The following FAM83B variants were observed in gnomAD, a reference collection of about 807,000 sequenced individuals.
FAM83B encodes scaffolding CK1 anchoring protein B.
In FAM83B, 26 loss-of-function variants were observed where a neutral mutation model predicts 38.8. That is an observed-to-expected ratio of 0.67 (90% CI 0.49 to 0.93). The LOEUF (loss-of-function observed/expected upper bound fraction) is 0.93, where lower values mean the gene tolerates loss of function less well. Among genes scored for constraint, FAM83B ranks in the 40% least tolerant of loss-of-function variants. FAM83B has a pLI of 0.00. For synonymous variants in FAM83B, 419 were observed against 423.1 expected, an observed-to-expected ratio of 0.99 and a Z score of 0.12; for missense variants, 1,237 against 1,197.3, an observed-to-expected ratio of 1.03 and a Z score of -0.49.
At chr6:54,915,130 A>T (rs555954365) in intron 2 of FAM83B, among the ~76,000 whole-genome samples, 7 of 152,102 alleles carry the variant, frequency 4.6e-5, no homozygotes, top group African/African-American at 1.4e-4. Context: ...AAAAAAAAAA[A>T]GCATAGATAG....
chr6:54,899,901 C>T (rs957454955), intron 2 of FAM83B, among the ~76,000 whole-genome samples: 2 of 151,888 alleles, frequency 1.3e-5, no homozygotes, highest in African/African-American at 2.4e-5. Flanking sequence ...AGGTAAGTTG[C>T]GCTCCAGCAA....
chr6:54,886,327 C>G (rs974036533), intron 2 of FAM83B, among the ~76,000 whole-genome samples: 3 of 151,270 alleles, frequency 2.0e-5, no homozygotes, highest in African/African-American at 7.3e-5. Context: ...TTTTGTTTTC[C>G]CAGTTCTCTG....
chr6:54,918,473 C>T (rs1215774967), intron 2 of FAM83B, among the ~76,000 whole-genome samples: 1 of 152,044 alleles, frequency 6.6e-6, no homozygotes, highest in Non-Finnish European at 1.5e-5. Context: ...GCTGGCGATG[C>T]CTCAGGAAAC....
intron 2 of FAM83B, among the ~76,000 whole-genome samples, chr6:54,926,056 G>A (rs1240975082): frequency 6.6e-6 from 1 of 151,994 alleles, no homozygotes; most frequent in Non-Finnish European, 1.5e-5. Context: ...ACCTTGTCCT[G>A]TTTGTCTACC....
At chr6:54,846,651 C>T (rs1025347221), upstream of FAM83B, 3 of 152,262 alleles carry the variant, frequency 2.0e-5, no homozygotes, top group East Asian at 1.9e-4. Flanking sequence ...AGCGCTGCAC[C>T]TTGTCTCGGG....
At chr6:54,926,270 T>C in intron 2 of FAM83B, 101 bp from the exon 3 acceptor site, 1 of 638,878 alleles carries the variant, frequency 1.6e-6, no homozygotes, top group Non-Finnish European at 2.6e-6. Flanking sequence ...TATATGTATT[T>C]AATTTTTAAA....
At chr6:54,850,111 T>A (rs1346001352) in intron 1 of FAM83B, among the ~76,000 whole-genome samples, 4 of 152,168 alleles carry the variant, frequency 2.6e-5, no homozygotes, top group Non-Finnish European at 4.4e-5. Context: ...TAATGATAAT[T>A]ATAAGTACAC....
rs145307516 is a variant in FAM83B at position 54,862,387 on chromosome 6, C to T, written c.-60-7800C>T. The stretch of plus-strand genomic sequence containing the variant: ...GGTATAGTTGGAGTGATCCAAGGCA[C>T]ACCCTAAAAACAGTGAGGGAAGTAA... On this transcript the variant is annotated intron_variant, in intron 1 of 4. Transcript: ENST00000306858. Among the ~76,000 whole-genome samples the T allele has an allele frequency of 5.0e-3, 766 of 152,240 alleles. 6 individuals carry two copies. Among genetic ancestry groups the T allele is most frequent in the South Asian group, 1.0e-2 (48 of 4,824 alleles).
At chr6:54,885,981 ATAATAAG>A (rs916210851) in intron 2 of FAM83B, among the ~76,000 whole-genome samples, 3 of 151,886 alleles carry the variant, frequency 2.0e-5, no homozygotes, top group South Asian at 2.1e-4. Context: ...AATAATAATA[ATAATAAG>A]TAACTGTCAT....
intron 2 of FAM83B, among the ~76,000 whole-genome samples, chr6:54,913,923 CAT>C (rs1476399501): frequency 2.0e-5 from 3 of 151,168 alleles, no homozygotes; most frequent in Non-Finnish European, 4.4e-5. Context: ...CTTTTGAAAA[CAT>C]ACCCCATGTG....
Position 54,937,621 on chromosome 6 carries a change from C to A in FAM83B, c.735-2085C>A, listed in dbSNP as rs891891541. ...CATGCATTAACACAGCTGTATCTTA[C>A]ATTATATCATGTTACAGCTATGAGA... On this transcript the variant is annotated intron_variant, in intron 4 of 4. Coordinates refer to ENST00000306858, the MANE Select transcript of FAM83B (RefSeq NM_001010872.3). Among the ~76,000 whole-genome samples the A allele has an allele frequency of 1.1e-4, 17 of 152,162 alleles. 1 individual carries two copies. In the Middle Eastern group the frequency reaches 0.017, roughly 152 times the overall value.
At chr6:54,889,221 C>T (rs531479018) in intron 2 of FAM83B, among the ~76,000 whole-genome samples, 5 of 152,146 alleles carry the variant, frequency 3.3e-5, no homozygotes, top group Admixed American at 2.6e-4. Flanking sequence ...TCTGCATTAC[C>T]TGTAAGCCTG....
chr6:54,868,043 A>C (rs1044024454), intron 1 of FAM83B, among the ~76,000 whole-genome samples: 1 of 152,162 alleles, frequency 6.6e-6, no homozygotes, highest in Admixed American at 6.6e-5. Flanking sequence ...AACTGTAAGC[A>C]TAAGGATTGA....
chr6:54,938,539 G>T (rs1015559608), intron 4 of FAM83B, among the ~76,000 whole-genome samples: 5 of 151,978 alleles, frequency 3.3e-5, no homozygotes, highest in Non-Finnish European at 5.9e-5. Flanking sequence ...ATTAGTTTTT[G>T]ATTTTTTAAT....
intron 2 of FAM83B, among the ~76,000 whole-genome samples, chr6:54,877,886 C>CA (rs1772037811): frequency 6.6e-6 from 1 of 152,120 alleles, no homozygotes; most frequent in Non-Finnish European, 1.5e-5. Context: ...TTGAGAGGGT[C>CA]TAAGATTGAG....
chr6:54,932,007 CTTTTTTT>C (rs377085448), intron 4 of FAM83B, among the ~76,000 whole-genome samples: 1 of 89,188 alleles, frequency 1.1e-5, no homozygotes, highest in Non-Finnish European at 2.0e-5. Flanking sequence ...TTACATAAAA[CTTTTTTT>C]TTTTTTTTTT....
At position 54,851,595 on chromosome 6, in the gene FAM83B, C is replaced by A. The variant is rs1375208154; in HGVS notation, c.-61+4769C>A. Among the ~76,000 whole-genome samples the A allele has an allele frequency of 1.1e-4, 16 of 151,666 alleles. 3 individuals carry two copies. The highest frequency in any genetic ancestry group is 3.9e-4 in the African/African-American group (16 of 41,326). On this transcript the variant is annotated intron_variant, in intron 1 of 4. Transcript: ENST00000306858. ...TCAAGTGATTCTCCTGCCTCAGCCTCCCGAGTAGCTGGGACTACAGGCAGG... is the reference window on the plus strand; with the variant it reads ...TCAAGTGATTCTCCTGCCTCAGCCTACCGAGTAGCTGGGACTACAGGCAGG...
At chr6:54,846,287 G>A (rs1771130544), upstream of FAM83B, among the ~76,000 whole-genome samples, 1 of 152,190 alleles carries the variant, frequency 6.6e-6, no homozygotes, top group Non-Finnish European at 1.5e-5. Flanking sequence ...TCTCGAAGGT[G>A]CTACAACCCT....
intron 4 of FAM83B, among the ~76,000 whole-genome samples, chr6:54,937,345 A>G (rs1773544809): frequency 1.3e-5 from 2 of 152,106 alleles, no homozygotes; most frequent in South Asian, 2.1e-4. Flanking sequence ...ATAAAGTACT[A>G]TAAAGTCATA....
Sources: gnomAD v4.1 joint callset for allele counts (sites outside exome capture counted in the v4.1 genomes callset) on GRCh38, gnomAD v4.1.1 for gene constraint, MANE v1.5 for transcripts, NCBI Gene and HGNC (gene_info 2026-07-23, HGNC 2026-07-21) for gene names.